CYP4F8: variants seen among roughly 807,000 people sequenced by gnomAD.
CYP4F8 encodes cytochrome P450 4F8.
A neutral mutation model predicts 55.0 loss-of-function variants in CYP4F8; 56 were observed. That is an observed-to-expected ratio of 1.02 (90% confidence interval 0.82 to 1.27). The LOEUF is 1.27. CYP4F8 is among the 50% of genes most tolerant of loss of function. CYP4F8 has a pLI of 0.00. For missense variants in CYP4F8, 680 were observed against 682.4 expected (o/e 1.00, Z 0.04); for synonymous variants, 288 against 267.3 (o/e 1.08, Z -0.76).
chr19:15,627,202 G>A (rs1455142717), intron 9 of CYP4F8: 1 of 152,128 alleles, frequency 6.6e-6, no homozygotes, highest in Non-Finnish European at 1.5e-5. Context: ...GATAGGGCAT[G>A]GTGGCTTATG....
rs370903597 is a variant in CYP4F8, at chr19:15,624,072, C to A, written c.1093C>A (p.Arg365Ser). Reference sequence around the variant, plus strand: ...GGAGGTGCAAGAGCTTCTGAAGGACCGTGAGCCTAAAGAGATTGAATGGTG... The same window carrying A: ...GGAGGTGCAAGAGCTTCTGAAGGACAGTGAGCCTAAAGAGATTGAATGGTG... Reference protein sequence around the residue: ...RQEVQELLKDREPKEIEWDDL... With the variant: ...RQEVQELLKDSEPKEIEWDDL... Residue 365 changes from arginine to serine, a missense_variant, in exon 9 of 13, where the codon CGT (arginine) becomes AGT (serine). By Grantham distance (110) the Arg-to-Ser change is moderately radical (BLOSUM62 -1). Coordinates refer to ENST00000612078, the MANE Select transcript of CYP4F8 (RefSeq NM_007253.4). The A allele has an allele frequency of 2.1e-5, 34 of 1,613,956 alleles. No individual in the cohort carries two copies. In the Middle Eastern group the frequency reaches 1.6e-3, roughly 78 times the overall value.
chr19:15,629,384 C>A lies in CYP4F8; in HGVS notation c.*26C>A, dbSNP rs1453451127. ...GGCCTGCAGTGACCCACCCACCTAC[C>A]TTTGCATCACCTACCTTTGCACCAA... On this transcript the variant is annotated 3_prime_UTR_variant, in exon 13 of 13. Coordinates refer to ENST00000612078, the MANE Select transcript of CYP4F8 (RefSeq NM_007253.4). 6.3e-7 allele frequency: 1 copy of A among 1,576,616 alleles called. No individual in the cohort carries two copies. Among genetic ancestry groups the A allele is most frequent in the Non-Finnish European group, 8.6e-7 (1 of 1,161,154 alleles).
At chr19:15,626,605 A>ATATATATCTATC (rs1555738306) in intron 9 of CYP4F8, among the ~76,000 whole-genome samples, 1 of 146,836 alleles carries the variant, frequency 6.8e-6, no homozygotes, top group African/African-American at 2.5e-5. Context: ...ATTGTTCTGG[A>ATATATATCTATC]TATCTATCTA....
rs1190479126 is a variant in CYP4F8 at position 15,623,978 on chromosome 19, G to T, written c.999G>T (p.Thr333=). The change falls in exon 9 of 13, where the codon ACG becomes ACT. Residue 333 remains threonine (T), a synonymous_variant. Coordinates refer to ENST00000612078, the MANE Select transcript of CYP4F8 (RefSeq NM_007253.4). The part of the protein sequence containing the change: ...DTFMFGGHDT[T]ASGLSWVLYN... ...GCTGACCCTCAGGCCATGACACCAC[G>T]GCCAGTGGCCTCTCCTGGGTCTTGT... The T allele has an allele frequency of 6.2e-7, 1 of 1,614,090 alleles. No homozygotes were observed. Among genetic ancestry groups the T allele is most frequent in the Non-Finnish European group, 8.5e-7 (1 of 1,180,010 alleles).
intron 6 of CYP4F8, chr19:15,622,845 A>G (rs904841324): frequency 4.4e-5 from 23 of 526,336 alleles, no homozygotes; most frequent in African/African-American, 3.8e-4. Flanking sequence ...AAAATGGGGC[A>G]GATTTGGGAG....
chr19:15,615,937 T>TCATTCCTCTGATCACTCACC, intron 2 of CYP4F8, 123 bp downstream of exon 2: 2 of 991,838 alleles, frequency 2.0e-6, no homozygotes, highest in Non-Finnish European at 2.8e-6. Context: ...GATCACTCAC[T>TCATTCCTCTGATCACTCACC]CATTCCTCTT....
chr19:15,628,496 G>A (rs759546816), intron 10 of CYP4F8, 35 bp from the exon 11 acceptor site: 24 of 1,613,282 alleles, frequency 1.5e-5, no homozygotes, highest in African/African-American at 4.0e-5. Flanking sequence ...CAGGCAGCTC[G>A]GACCTTGTTC....
At chr19:15,616,948 C>G (rs1972130189) in intron 2 of CYP4F8, among the ~76,000 whole-genome samples, 1 of 152,122 alleles carries the variant, frequency 6.6e-6, no homozygotes. Context: ...AAGGTGCTCC[C>G]TGGTGAGAGC....
rs989467415 is a variant in CYP4F8 at position 15,623,955 on chromosome 19, T to C, written c.986-10T>C. On this transcript the variant is annotated splice_polypyrimidine_tract_variant and intron_variant, in intron 8 of 12. Transcript: ENST00000612078. The stretch of plus-strand genomic sequence containing the variant: ...GCCCAGAGACTCAAGCCTGCCTGGC[T>C]GACCCTCAGGCCATGACACCACGGC... 2.5e-6 allele frequency: 4 copies of C among 1,613,596 alleles called. No individual in the cohort carries two copies. In the African/African-American group the frequency reaches 5.3e-5, roughly 22 times the overall value.
chr19:15,625,978 T>C (rs1038392302), intron 9 of CYP4F8, among the ~76,000 whole-genome samples: 1 of 152,204 alleles, frequency 6.6e-6, no homozygotes, highest in African/African-American at 2.4e-5. Context: ...TTTTCAGAAA[T>C]ATAGCACTAT....
rs535430359 is a variant in CYP4F8, at chr19:15,619,634, G to T, written c.398-1G>T. On this transcript the variant is annotated splice_acceptor_variant, in intron 4 of 12. Transcript: ENST00000612078. LOFTEE classifies it high-confidence loss of function. ...CCCACAGCCTTTGGCTGCCGTACTA[G>T]GGGATGGGCTCTTGTTAAGTGTTGG... The T allele has an allele frequency of 6.2e-7, 1 of 1,614,234 alleles. No individual in the cohort carries two copies. The highest frequency in any genetic ancestry group is 1.3e-5 in the African/African-American group (1 of 75,078).
chr19:15,629,405 A>G lies in CYP4F8; in HGVS notation c.*47A>G. The G allele has an allele frequency of 2.0e-6, 3 of 1,531,470 alleles. No homozygotes were observed. The South Asian group carries it at 3.8e-5, about 19-fold the overall frequency. The allele number at this position is 1,531,470 out of a possible 1,614,324, so 94.9% of individuals were successfully genotyped here. A position where few individuals can be genotyped will look rare whatever the true frequency, so the allele number is the denominator to read the frequency against. On this transcript the variant is annotated 3_prime_UTR_variant, in exon 13 of 13. Coordinates refer to ENST00000612078, the MANE Select transcript of CYP4F8 (RefSeq NM_007253.4). ...CTACCTTTGCATCACCTACCTTTGC[A>G]CCAACTACCTTTTCAGATTTCCGGT... is the stretch of plus-strand genomic sequence containing the variant.
chr19:15,621,922 GGTCATCTTGATT>G, intron 5 of CYP4F8: 1 of 256,500 alleles, frequency 3.9e-6, no homozygotes, highest in Non-Finnish European at 7.4e-6. Flanking sequence ...CATCAAAGCA[GGTCATCTTGATT>G]GCTATTGAGG....
At position 15,615,666 on chromosome 19, in the gene CYP4F8, C is replaced by A; in HGVS notation, c.50C>A (p.Ser17Tyr). 1 of 1,613,960 alleles carries A rather than the reference C, an allele frequency of 6.2e-7. No homozygotes were observed. The highest frequency in any genetic ancestry group is 8.5e-7 in the Non-Finnish European group (1 of 1,179,948). The change falls in exon 2 of 13, where the codon TCC becomes TAC. Residue 17 changes from serine to tyrosine, a missense_variant. Transcript: ENST00000612078. ...CTGGGCCTCAGGCCGGTGGCAGCAT[C>A]CCCGTGGCTGCTCCTGCTGGTGGTC... ...SWLGLRPVAASPWLLLLVVGA... is the reference protein window; with the variant it reads ...SWLGLRPVAAYPWLLLLVVGA...
At position 15,629,421 on chromosome 19, in the gene CYP4F8, G is replaced by A. The variant is rs1005785172; in HGVS notation, c.*63G>A. 7.4e-6 allele frequency: 11 copies of A among 1,488,794 alleles called. No homozygotes were observed. The highest frequency in any genetic ancestry group is 9.8e-6 in the Non-Finnish European group (11 of 1,118,134). The allele number at this position is 1,488,794 out of a possible 1,614,324, so 92.2% of individuals were successfully genotyped here. The stretch of plus-strand genomic sequence containing the variant: ...TACCTTTGCACCAACTACCTTTTCA[G>A]ATTTCCGGTAATAAATCTGTGTTGG... On this transcript the variant is annotated 3_prime_UTR_variant, in exon 13 of 13. Coordinates refer to ENST00000612078, the MANE Select transcript of CYP4F8 (RefSeq NM_007253.4).
At chr19:15,618,976 G>T in intron 3 of CYP4F8, 1 of 166,994 alleles carries the variant, frequency 6.0e-6, no homozygotes, top group Non-Finnish European at 1.3e-5. Context: ...CCAAAATGCT[G>T]AGTGACTCTG....
intron 9 of CYP4F8, chr19:15,627,182 A>T (rs1038354638): frequency 2.0e-5 from 3 of 152,094 alleles, no homozygotes; most frequent in African/African-American, 7.2e-5. Flanking sequence ...TTAAAAATTG[A>T]CCTAGCTTGG....
intron 3 of CYP4F8, chr19:15,618,671 G>C (rs1972155146): frequency 3.8e-6 from 1 of 263,082 alleles, no homozygotes; most frequent in African/African-American, 2.2e-5. Flanking sequence ...CATTGGCCTT[G>C]TCCTTCTGCA....
Position 15,628,758 on chromosome 19 carries a change from C to A in CYP4F8, c.1315-3C>A. 1 of 1,613,582 alleles carries A rather than the reference C, an allele frequency of 6.2e-7. No homozygotes were observed. Among genetic ancestry groups the A allele is most frequent in the African/African-American group, 1.3e-5 (1 of 74,988 alleles). On this transcript the variant is annotated splice_polypyrimidine_tract_variant and splice_region_variant and intron_variant, in intron 11 of 12. Transcript: ENST00000612078. ...CAGCAGCCTTAACTTGCCTCCACCC[C>A]AGGTCTATGACCCCTTCCGCTTCGA... is the stretch of plus-strand genomic sequence containing the variant.
Sources: gnomAD v4.1 joint callset for allele counts (sites outside exome capture counted in the v4.1 genomes callset) on GRCh38, gnomAD v4.1.1 for gene constraint, MANE v1.5 for transcripts, NCBI Gene and HGNC (gene_info 2026-07-23, HGNC 2026-07-21) for gene names.